Variants in SENP1 observed in about 807,000 individuals in gnomAD.
SENP1 encodes SUMO specific peptidase 1.
A neutral mutation model predicts 93.0 loss-of-function variants in SENP1; 21 were observed. That is an observed-to-expected ratio of 0.23 (90% CI 0.16 to 0.33). SENP1 has a LOEUF of 0.33. Among genes scored for constraint, SENP1 ranks in the 10% least tolerant of loss-of-function variants. The pLI is 1.00. For missense variants in SENP1, 591 were observed against 758.7 expected (o/e 0.78, Z 2.60); for synonymous variants, 256 against 259.6 (o/e 0.99, Z 0.13).
At chr12:48,078,891 T>C (rs1944323415) in intron 6 of SENP1, among the ~76,000 whole-genome samples, 2 of 152,240 alleles carry the variant, frequency 1.3e-5, no homozygotes, top group South Asian at 4.1e-4. Flanking sequence ...GGCTCACTCC[T>C]ATAATTCCAA....
intron 13 of SENP1, among the ~76,000 whole-genome samples, chr12:48,051,137 A>G (rs1438640096): frequency 2.0e-5 from 3 of 151,830 alleles, no homozygotes; most frequent in Non-Finnish European, 4.4e-5. Context: ...TCACTATTCT[A>G]TTTTTCAAGA....
Position 48,101,502 on chromosome 12 carries a change from C to T in SENP1, c.-30G>A, listed in dbSNP as rs1377388659. The T allele has an allele frequency of 4.4e-6, 7 of 1,578,290 alleles. No homozygotes were observed. The African/African-American group carries it at 9.5e-5, about 21-fold the overall frequency. Reference sequence around the variant, plus strand: ...AGTCTTTTCACATCACTGACTTTAGCAAAGATACAAAGTCCTATAAAAGAA... The same window carrying T: ...AGTCTTTTCACATCACTGACTTTAGTAAAGATACAAAGTCCTATAAAAGAA... On this transcript the variant is annotated 5_prime_UTR_variant, in exon 2 of 18. Coordinates refer to ENST00000549518, the MANE Select transcript of SENP1 (RefSeq NM_001267594.2).
At chr12:48,062,532 C>T (rs1303132967) in intron 13 of SENP1, among the ~76,000 whole-genome samples, 2 of 152,138 alleles carry the variant, frequency 1.3e-5, no homozygotes, top group African/African-American at 2.4e-5. Flanking sequence ...AAGAATGGGG[C>T]TGGCCCCAGA....
At chr12:48,064,665 T>G (rs58952582) in intron 12 of SENP1, among the ~76,000 whole-genome samples, 25,493 of 152,028 alleles carry the variant, frequency 0.17, 2,479 homozygotes, top group East Asian at 0.28. Flanking sequence ...ATAACACGTG[T>G]TCTATGGCTT....
chr12:48,071,787 T>TA, intron 8 of SENP1, 66 bp from the exon 9 acceptor site: 1 of 1,039,374 alleles, frequency 9.6e-7, no homozygotes, highest in Admixed American at 2.0e-5. Flanking sequence ...CTAGATATCT[T>TA]AGTTTAAGTT....
rs1047598233 is a variant in SENP1 at position 48,063,861 on chromosome 12, C to G, written c.1276-20G>C. On this transcript the variant is annotated intron_variant, in intron 12 of 17. Transcript: ENST00000549518. ...CATTTCCTAAGAAAACAAAAGGTGT[C>G]AAGACATCAAACACGCGTGGCTTCA... The G allele has an allele frequency of 1.2e-6, 2 of 1,600,702 alleles. No homozygotes were observed. Among genetic ancestry groups the G allele is most frequent in the African/African-American group, 1.3e-5 (1 of 74,928 alleles).
intron 6 of SENP1, among the ~76,000 whole-genome samples, chr12:48,079,106 C>T (rs944458756): frequency 1.3e-5 from 2 of 152,012 alleles, no homozygotes; most frequent in South Asian, 2.1e-4. Flanking sequence ...GCTGTGATTG[C>T]GCCACTGCAT....
chr12:48,059,512 ATATT>A (rs1942816781), intron 13 of SENP1, among the ~76,000 whole-genome samples: 1 of 152,068 alleles, frequency 6.6e-6, no homozygotes, highest in Admixed American at 6.6e-5. Context: ...TATGTGGAAG[ATATT>A]TATAGTAACT....
rs1941594452 is a variant in SENP1 at position 48,049,139 on chromosome 12, G to A, written c.1408-7C>T. 6.2e-7 allele frequency: 1 copy of A among 1,610,638 alleles called. No homozygotes were observed. The highest frequency in any genetic ancestry group is 1.7e-5 in the Admixed American group (1 of 59,956). On this transcript the variant is annotated splice_polypyrimidine_tract_variant and splice_region_variant and intron_variant, in intron 13 of 17. Transcript: ENST00000549518. The stretch of plus-strand genomic sequence containing the variant: ...TCATGTAGAAATTGATGATCTGTGG[G>A]AAGAAATTACACCTATTAGAATAGA...
chr12:48,066,377 T>C (rs1179729833), intron 10 of SENP1, among the ~76,000 whole-genome samples: 1 of 152,240 alleles, frequency 6.6e-6, no homozygotes, highest in Non-Finnish European at 1.5e-5. Context: ...TTCCCTATTA[T>C]ATAATAGCTA....
intron 6 of SENP1, among the ~76,000 whole-genome samples, chr12:48,083,033 T>C (rs1314042635): frequency 6.6e-6 from 1 of 152,004 alleles, no homozygotes; most frequent in African/African-American, 2.4e-5. Context: ...GCCTCGCCAG[T>C]AGCTAGGAGT....
At chr12:48,067,761 C>T (rs1943396549) in intron 9 of SENP1, among the ~76,000 whole-genome samples, 1 of 151,854 alleles carries the variant, frequency 6.6e-6, no homozygotes, top group Non-Finnish European at 1.5e-5. Flanking sequence ...ATCGCTTGAG[C>T]CAAGAGTTCA....
chr12:48,046,165 T>C (rs1941346452), intron 17 of SENP1, among the ~76,000 whole-genome samples, 191 bp downstream of exon 17: 1 of 152,168 alleles, frequency 6.6e-6, no homozygotes, highest in Non-Finnish European at 1.5e-5. Flanking sequence ...ACCCAGGACG[T>C]GGCTTATCAC....
In SENP1 at chr12:48,044,189, A is replaced by T. The variant is rs180767849; in HGVS notation, c.*1133T>A. ...AACCTCTACCCATATGGCAAAGTTC[A>T]TCCAGGCCTCAAAAATATTCCATTA... On this transcript the variant is annotated 3_prime_UTR_variant, in exon 18 of 18. Transcript: ENST00000549518. 4 of 151,994 alleles carry T rather than the reference A, an allele frequency of 2.6e-5. No individual in the cohort carries two copies. The East Asian group carries it at 7.7e-4, about 29-fold the overall frequency. The allele number at this position is 151,994 out of a possible 1,614,324, so 9.4% of individuals were successfully genotyped here.
intron 5 of SENP1, chr12:48,085,022 G>T: frequency 2.0e-6 from 2 of 1,014,260 alleles, no homozygotes; most frequent in Non-Finnish European, 2.9e-6. Context: ...AATGAGAGTG[G>T]CTTCTGGTGC....
chr12:48,068,426 T>C (rs551812892), intron 9 of SENP1, among the ~76,000 whole-genome samples: 5 of 152,210 alleles, frequency 3.3e-5, no homozygotes, highest in African/African-American at 9.6e-5. Context: ...AAAATCCCTA[T>C]ACTATTTAAA....
At chr12:48,089,696 C>A (rs1002468626) in intron 4 of SENP1, among the ~76,000 whole-genome samples, 1 of 152,158 alleles carries the variant, frequency 6.6e-6, no homozygotes, top group Non-Finnish European at 1.5e-5. Context: ...AGAATAATTT[C>A]TATAACCTCC....
intron 11 of SENP1, 80 bp from the exon 12 acceptor site, chr12:48,065,300 T>C: frequency 1.7e-6 from 2 of 1,157,416 alleles, no homozygotes; most frequent in African/African-American, 1.6e-5. Flanking sequence ...TATGTCCCAA[T>C]AAACCTGTCA....
chr12:48,083,552 T>G, intron 6 of SENP1, 39 bp downstream of exon 6: 1 of 1,570,138 alleles, frequency 6.4e-7, no homozygotes, highest in Non-Finnish European at 8.7e-7. Context: ...TAGGGAAAGA[T>G]CCTAACTTTT....
Sources: allele counts gnomAD v4.1 joint callset (sites outside exome capture counted in the v4.1 genomes callset), GRCh38; gene constraint gnomAD v4.1.1; transcripts MANE v1.5; gene names NCBI Gene and HGNC (gene_info 2026-07-23, HGNC 2026-07-21).